RILPL1: variants seen among roughly 807,000 people sequenced by gnomAD.
RILPL1 encodes RILP-like protein 1.
Under a neutral mutation model 50.3 loss-of-function variants are expected in RILPL1, and 33 were observed. The observed-to-expected ratio is 0.66, with a 90% CI of 0.50 to 0.88. The LOEUF is 0.88. Among genes scored for constraint, RILPL1 ranks in the 40% least tolerant of loss-of-function variants. The probability of loss-of-function intolerance (pLI) is 0.00; values close to 1 mark genes in which losing one functional copy is unlikely to be tolerated. For synonymous variants in RILPL1, 205 were observed against 228.6 expected, an observed-to-expected ratio of 0.90 and a Z score of 0.93; for missense variants, 418 against 542.5, an observed-to-expected ratio of 0.77 and a Z score of 2.28.
chr12:123,475,497 A>C (rs1320067997), intron 6 of RILPL1: 1 of 621,016 alleles, frequency 1.6e-6, no homozygotes, highest in Non-Finnish European at 2.9e-6. Flanking sequence ...GAGCGCAGCC[A>C]GTGGCACAGC....
rs781664119 is a variant in RILPL1, at chr12:123,523,491, T to C, written c.460+4A>G. 1.2e-6 allele frequency: 2 copies of C among 1,613,850 alleles called. No homozygotes were observed. Among genetic ancestry groups the C allele is most frequent in the Admixed American group, 1.7e-5 (1 of 60,002 alleles). On this transcript the variant is annotated splice_donor_region_variant and intron_variant, in intron 2 of 6. Coordinates refer to ENST00000376874, the MANE Select transcript of RILPL1 (RefSeq NM_178314.5). ...CCCTTGCATTGGCGCCGACCCCCAC[T>C]TACCTTCATGCTTCTGGAACTCCTC...
chr12:123,532,080 A>C (rs1286094015), intron 1 of RILPL1, among the ~76,000 whole-genome samples: 1 of 152,188 alleles, frequency 6.6e-6, no homozygotes, highest in Non-Finnish European at 1.5e-5. Flanking sequence ...ATTTTACTCC[A>C]AAACACAGAG....
chr12:123,528,681 C>T (rs906899321), intron 1 of RILPL1, among the ~76,000 whole-genome samples: 1 of 152,138 alleles, frequency 6.6e-6, no homozygotes, highest in African/African-American at 2.4e-5. Flanking sequence ...CCCGCTTCAG[C>T]CTCCAAAGTG....
rs139709071 is a variant in RILPL1, at chr12:123,522,908, G to A, written c.460+587C>T. ...GCGCGCGGCCTACACCGGCCTTCTT[G>A]GTTTCCCCCAAATGCTCATGTCCCA... On this transcript the variant is annotated intron_variant, in intron 2 of 6. Coordinates refer to ENST00000376874, the MANE Select transcript of RILPL1 (RefSeq NM_178314.5). This position sits in a 1 kb window ranked among gnomAD's most constrained non-coding sequence, Gnocchi z 4.0. Among the ~76,000 whole-genome samples, 1 of 152,114 alleles carries A rather than the reference G, an allele frequency of 6.6e-6. No individual in the cohort carries two copies.
chr12:123,511,200 A>T (rs1320885125), intron 2 of RILPL1, among the ~76,000 whole-genome samples: 28 of 48,616 alleles, frequency 5.8e-4, no homozygotes, highest in Admixed American at 9.3e-4. Flanking sequence ...GTGGTGTGTG[A>T]GGTCTGTATG....
chr12:123,506,229 G>GT (rs1883742961), intron 2 of RILPL1, among the ~76,000 whole-genome samples: 1 of 152,238 alleles, frequency 6.6e-6, no homozygotes, highest in Non-Finnish European at 1.5e-5. Context: ...ACAGGCGGCA[G>GT]TGAGTGCAAA....
In RILPL1 at chr12:123,470,536, G is replaced by A. The variant is rs1881141031; in HGVS notation, c.*2002C>T. ...CACACCTGTAATCCCAGCACTTTGA[G>A]AGGCCAAGGCAGGTGAATCACTTGA... On this transcript the variant is annotated 3_prime_UTR_variant, in exon 7 of 7. Transcript: ENST00000376874. 6.6e-6 allele frequency: 1 copy of A among 150,638 alleles called. No individual in the cohort carries two copies. The highest frequency in any genetic ancestry group is 6.6e-5 in the Admixed American group (1 of 15,060). The allele number at this position is 150,638 out of a possible 1,614,324, so 9.3% of individuals were successfully genotyped here.
intron 6 of RILPL1, among the ~76,000 whole-genome samples, chr12:123,481,183 T>TCC (rs908578682): frequency 4.9e-4 from 75 of 151,776 alleles, no homozygotes; most frequent in Non-Finnish European, 9.0e-4. Context: ...ATGGTGAAAC[T>TCC]CCGTCTCTAC....
chr12:123,486,042 C>T (rs1882312858), intron 4 of RILPL1, among the ~76,000 whole-genome samples: 1 of 152,160 alleles, frequency 6.6e-6, no homozygotes, highest in Non-Finnish European at 1.5e-5. Flanking sequence ...CCACGGACCC[C>T]GCACCTCCCC....
At chr12:123,499,625 C>G in intron 2 of RILPL1, 89 bp from the exon 3 acceptor site, 1 of 1,003,210 alleles carries the variant, frequency 1.0e-6, no homozygotes, top group South Asian at 1.3e-5. Context: ...AAACTGAGGT[C>G]TTAGTGGCCC....
chr12:123,517,424 G>GTTT (rs59944903), intron 2 of RILPL1, among the ~76,000 whole-genome samples: 4 of 131,922 alleles, frequency 3.0e-5, no homozygotes, highest in South Asian at 2.5e-4. Flanking sequence ...TGTTGTTATT[G>GTTT]TTTTTTTTTT....
intron 2 of RILPL1, among the ~76,000 whole-genome samples, chr12:123,509,825 G>T (rs573966547): frequency 1.3e-5 from 2 of 152,176 alleles, no homozygotes; most frequent in Admixed American, 1.3e-4. Flanking sequence ...GGTTACAGAG[G>T]GGCAATTCTG....
rs1273922713 is a variant in RILPL1, at chr12:123,491,009, CA to C, written c.802-5205del. ...AGGTGATCCGCCTGCCTCAGCCTCC[CA>C]AAGTGTTGGGATTACAGGCGTGAGC... On this transcript the variant is annotated intron_variant, in intron 4 of 6. Transcript: ENST00000376874. This position sits in a 1 kb window ranked among gnomAD's most constrained non-coding sequence, Gnocchi z 4.0. Among the ~76,000 whole-genome samples, 1 of 152,196 alleles carries C rather than the reference CA, an allele frequency of 6.6e-6. No homozygotes were observed. Among genetic ancestry groups the C allele is most frequent in the Non-Finnish European group, 1.5e-5 (1 of 68,032 alleles).
At chr12:123,512,731 GGT>G (rs1207244578) in intron 2 of RILPL1, among the ~76,000 whole-genome samples, 1 of 142,376 alleles carries the variant, frequency 7.0e-6, no homozygotes, top group East Asian at 2.2e-4. Flanking sequence ...GTCTGTGTGT[GGT>G]GTGTGAAGTT....
intron 2 of RILPL1, among the ~76,000 whole-genome samples, chr12:123,521,947 G>T (rs1210327542): frequency 6.6e-6 from 1 of 151,752 alleles, no homozygotes; most frequent in Non-Finnish European, 1.5e-5. Flanking sequence ...GTTAATTTTT[G>T]TATTTTTCGT....
chr12:123,514,221 G>C (rs913729503), intron 2 of RILPL1: 2 of 152,142 alleles, frequency 1.3e-5, no homozygotes, highest in Non-Finnish European at 2.9e-5. Context: ...GTTGCATACA[G>C]TGTGATTTCA....
intron 2 of RILPL1, among the ~76,000 whole-genome samples, chr12:123,504,648 T>C (rs1883621123): frequency 6.6e-6 from 1 of 152,210 alleles, no homozygotes; most frequent in Non-Finnish European, 1.5e-5. Flanking sequence ...CCAGGAAGGA[T>C]AAACTGCTTT....
chr12:123,503,779 A>G lies in RILPL1; in HGVS notation c.461-4243T>C, dbSNP rs555399948. 2.0e-5 allele frequency among the ~76,000 whole-genome samples: 3 copies of G among 152,028 alleles called. No individual in the cohort carries two copies. The South Asian group carries it at 6.2e-4, about 32-fold the overall frequency. ...CACTTTAGGAGGCTGAGGCGGGTGG[A>G]TCACGAGGTCAGGAGATCGAGACCA... On this transcript the variant is annotated intron_variant, in intron 2 of 6. Coordinates refer to ENST00000376874, the MANE Select transcript of RILPL1 (RefSeq NM_178314.5).
intron 2 of RILPL1, among the ~76,000 whole-genome samples, chr12:123,511,234 CTG>C (rs1305545452): frequency 3.0e-5 from 2 of 67,498 alleles, no homozygotes; most frequent in Admixed American, 1.7e-4. Flanking sequence ...TGTCTGAGGT[CTG>C]TGTGTGGTGT....
Sources: allele counts gnomAD v4.1 joint callset (sites outside exome capture counted in the v4.1 genomes callset), GRCh38; gene constraint gnomAD v4.1.1; non-coding constraint Gnocchi (gnomAD v3.1); transcripts MANE v1.5; gene names NCBI Gene and HGNC (gene_info 2026-07-23, HGNC 2026-07-21).